Variants in CADM2 observed in about 807,000 individuals in gnomAD.
CADM2 encodes the protein immunoglobulin superfamily member 4D.
A neutral mutation model predicts 49.8 loss-of-function variants in CADM2; 12 were observed. The ratio of observed to expected loss-of-function variants is 0.24; its 90% CI spans 0.15 to 0.39. CADM2 has a LOEUF of 0.39. Among genes scored for constraint, CADM2 ranks in the 10% least tolerant of loss-of-function variants. CADM2 has a pLI of 1.00. For synonymous variants in CADM2, 214 were observed against 175.4 expected (o/e 1.22, Z -1.74); for missense variants, 378 against 492.3 (o/e 0.77, Z 2.20).
chr3:85,997,905 T>A (rs34289000), intron 8 of CADM2, among the ~76,000 whole-genome samples: 46,327 of 152,086 alleles, frequency 0.3, 8,333 homozygotes, highest in Admixed American at 0.39. Flanking sequence ...TCAGTGAAAT[T>A]AGGCTCTGAG....
At chr3:86,029,326 C>T (rs962550464) in intron 8 of CADM2, among the ~76,000 whole-genome samples, 1 of 151,874 alleles carries the variant, frequency 6.6e-6, no homozygotes, top group Non-Finnish European at 1.5e-5. Context: ...GATGATTACT[C>T]AAGTCAAAGT....
intron 3 of CADM2, among the ~76,000 whole-genome samples, chr3:85,835,392 A>T (rs1237016759): frequency 6.6e-6 from 1 of 150,882 alleles, no homozygotes; most frequent in Admixed American, 6.6e-5. Context: ...AAATAATCAA[A>T]GAATGCCTAG....
intron 1 of CADM2, among the ~76,000 whole-genome samples, chr3:85,376,782 C>A (rs1365789167): frequency 1.3e-5 from 2 of 151,764 alleles, no homozygotes; most frequent in African/African-American, 4.8e-5. Flanking sequence ...AAAGTTTATA[C>A]AATTGAGTAA....
chr3:85,836,298 C>G (rs2074407258), intron 3 of CADM2, among the ~76,000 whole-genome samples: 1 of 151,632 alleles, frequency 6.6e-6, no homozygotes, highest in South Asian at 2.1e-4. Flanking sequence ...TAAAAATGAC[C>G]ATTTGCTACT....
intron 1 of CADM2, among the ~76,000 whole-genome samples, chr3:85,346,553 T>C (rs1452388774): frequency 6.6e-6 from 1 of 152,164 alleles, no homozygotes; most frequent in Non-Finnish European, 1.5e-5. Flanking sequence ...AAGCCTGCTT[T>C]TGAATAAAAA....
chr3:85,224,473 T>TC (rs2042108415), intron 1 of CADM2, among the ~76,000 whole-genome samples: 1 of 152,190 alleles, frequency 6.6e-6, no homozygotes, highest in Non-Finnish European at 1.5e-5. Flanking sequence ...GTAAATTTGT[T>TC]TAAGTTCTTC....
intron 1 of CADM2, among the ~76,000 whole-genome samples, chr3:85,366,494 C>G (rs980264000): frequency 6.6e-6 from 1 of 152,016 alleles, no homozygotes; most frequent in East Asian, 1.9e-4. Context: ...TTTTGTGAGG[C>G]TTGTTATTTG....
rs116834425 is a variant in CADM2 at position 85,092,723 on chromosome 3, T to G, written c.61+133055T>G. On this transcript the variant is annotated intron_variant, in intron 1 of 9. Transcript: ENST00000383699. ...TATTCCAATAGTTTGATCCCCTTAA[T>G]TCCAGATCTTTTCTCTTCCACCACC... 5.0e-3 allele frequency among the ~76,000 whole-genome samples: 757 copies of G among 152,242 alleles called. 6 individuals are homozygous for G. The highest frequency in any genetic ancestry group is 0.016 in the African/African-American group (676 of 41,554).
chr3:85,264,750 A>G (rs1012925829), intron 1 of CADM2, among the ~76,000 whole-genome samples: 6 of 152,092 alleles, frequency 3.9e-5, no homozygotes, highest in African/African-American at 1.4e-4. Flanking sequence ...TAGTATAGTA[A>G]ATAATTAGAA....
rs959565587 is a variant in CADM2, at chr3:86,068,590, A to G, written c.*1807A>G. 1 of 152,018 alleles carries G rather than the reference A, an allele frequency of 6.6e-6. No individual in the cohort carries two copies. Among genetic ancestry groups the G allele is most frequent in the Admixed American group, 6.6e-5 (1 of 15,250 alleles). 9.4% of individuals were successfully genotyped at this position (152,018 alleles called of 1,614,324 possible). A position where few individuals can be genotyped will look rare whatever the true frequency, so the allele number is the denominator to read the frequency against. ...AGACAAGGGTGCTGTATCTTTGATT[A>G]TTTATCAAAAAAGTATAAATCTTTT... On this transcript the variant is annotated 3_prime_UTR_variant, in exon 10 of 10. Coordinates refer to ENST00000383699, the MANE Select transcript of CADM2 (RefSeq NM_001167675.2).
At chr3:85,496,727 T>A (rs2039917933) in intron 1 of CADM2, among the ~76,000 whole-genome samples, 1 of 152,248 alleles carries the variant, frequency 6.6e-6, no homozygotes, top group Non-Finnish European at 1.5e-5. Flanking sequence ...ATTTTAATAA[T>A]AATTATCCTT....
intron 1 of CADM2, among the ~76,000 whole-genome samples, chr3:85,354,822 AG>A (rs2031716690): frequency 6.6e-6 from 1 of 152,004 alleles, no homozygotes; most frequent in Non-Finnish European, 1.5e-5. Context: ...AAGCATTTCG[AG>A]GGGGTTATGA....
At chr3:85,475,138 C>A (rs1178607317) in intron 1 of CADM2, among the ~76,000 whole-genome samples, 1 of 151,820 alleles carries the variant, frequency 6.6e-6, no homozygotes, top group Non-Finnish European at 1.5e-5. Context: ...TGTTTTGTGG[C>A]AATATATAGA....
rs573882016 is a variant in CADM2 at position 85,202,917 on chromosome 3, T to A, written c.61+243249T>A. ...TTGGCTGCTTCACCTAGCATTTTTATGTTTTGGAGACAGCCTTTTTCTTAA... is the reference window on the plus strand; with the variant it reads ...TTGGCTGCTTCACCTAGCATTTTTAAGTTTTGGAGACAGCCTTTTTCTTAA... On this transcript the variant is annotated intron_variant, in intron 1 of 9. Coordinates refer to ENST00000383699, the MANE Select transcript of CADM2 (RefSeq NM_001167675.2). 7.7e-4 allele frequency among the ~76,000 whole-genome samples: 118 copies of A among 152,344 alleles called. 1 individual carries two copies. Among genetic ancestry groups the A allele is most frequent in the African/African-American group, 2.8e-3 (115 of 41,576 alleles).
At chr3:85,983,589 A>G (rs1577860668) in intron 8 of CADM2, among the ~76,000 whole-genome samples, 1 of 151,744 alleles carries the variant, frequency 6.6e-6, no homozygotes, top group South Asian at 2.1e-4. Context: ...AGTAAAACAA[A>G]CATGTTTACC....
chr3:86,050,823 C>T (rs1737245761), intron 8 of CADM2, among the ~76,000 whole-genome samples: 1 of 152,120 alleles, frequency 6.6e-6, no homozygotes, highest in African/African-American at 2.4e-5. Flanking sequence ...GTAGCTGGGC[C>T]CTGGACCTGG....
chr3:85,432,978 A>C (rs1169848163), intron 1 of CADM2, among the ~76,000 whole-genome samples: 1 of 152,124 alleles, frequency 6.6e-6, no homozygotes, highest in Non-Finnish European at 1.5e-5. Context: ...GAGAAAAAAA[A>C]TACAACAATA....
chr3:85,412,279 G>T (rs2035690086), intron 1 of CADM2, among the ~76,000 whole-genome samples: 1 of 152,096 alleles, frequency 6.6e-6, no homozygotes, highest in African/African-American at 2.4e-5. Flanking sequence ...AAAAGTATAG[G>T]AGATAATGCC....
At chr3:85,563,836 A>G (rs917647273) in intron 1 of CADM2, among the ~76,000 whole-genome samples, 1 of 152,140 alleles carries the variant, frequency 6.6e-6, no homozygotes, top group Non-Finnish European at 1.5e-5. Context: ...TTGCAGTGGC[A>G]CCATTAAGTT....
Sources: gnomAD v4.1 joint callset for allele counts (sites outside exome capture counted in the v4.1 genomes callset) on GRCh38, gnomAD v4.1.1 for gene constraint, MANE v1.5 for transcripts, NCBI Gene and HGNC (gene_info 2026-07-23, HGNC 2026-07-21) for gene names.